The following IPCEF1 variants were observed in gnomAD, a reference collection of about 807,000 sequenced individuals.
The protein encoded by IPCEF1 is interactor protein for cytohesin exchange factors 1.
IPCEF1 carries 31 observed loss-of-function variants against 50.9 expected under a neutral mutation model. That is an observed-to-expected ratio of 0.61 (90% CI 0.46 to 0.82). IPCEF1 has a LOEUF of 0.82. IPCEF1 is among the 40% of genes least tolerant of loss of function. IPCEF1 has a pLI of 0.00. For missense variants in IPCEF1, 458 were observed against 514.0 expected (o/e 0.89, Z 1.05); for synonymous variants, 181 against 192.0 (o/e 0.94, Z 0.47).
At chr6:154,309,962 C>T (rs1056959892) in intron 1 of IPCEF1, among the ~76,000 whole-genome samples, 2 of 152,090 alleles carry the variant, frequency 1.3e-5, no homozygotes, top group East Asian at 1.9e-4. Context: ...CAGGGTTTCA[C>T]CATGTTGGCC....
At chr6:154,239,818 C>A (rs1780436786) in intron 5 of IPCEF1, among the ~76,000 whole-genome samples, 1 of 152,200 alleles carries the variant, frequency 6.6e-6, no homozygotes, top group South Asian at 2.1e-4. Flanking sequence ...ATTCTCTTGC[C>A]TCAGTCTCCC....
chr6:154,275,002 T>C (rs1022363472), intron 2 of IPCEF1, among the ~76,000 whole-genome samples: 10 of 152,198 alleles, frequency 6.6e-5, no homozygotes, highest in Admixed American at 5.2e-4. Flanking sequence ...CAATTATTTA[T>C]ATAGGCAGGG....
intron 1 of IPCEF1, among the ~76,000 whole-genome samples, chr6:154,351,137 A>C (rs929093879): frequency 4.6e-5 from 7 of 152,238 alleles, no homozygotes; most frequent in Non-Finnish European, 1.0e-4. Flanking sequence ...CAAGTCTCCT[A>C]GCCTTTTGAT....
At chr6:154,235,486 G>A (rs191600277) in intron 5 of IPCEF1, among the ~76,000 whole-genome samples, 14 of 137,576 alleles carry the variant, frequency 1.0e-4, no homozygotes, top group Admixed American at 8.2e-4. Context: ...AGCCGAGATC[G>A]CACCATTGCA....
intron 10 of IPCEF1, among the ~76,000 whole-genome samples, chr6:154,198,402 C>A (rs1168119159): frequency 1.3e-5 from 2 of 152,162 alleles, no homozygotes; most frequent in Non-Finnish European, 2.9e-5. Context: ...GCTACTCATT[C>A]ACCTCTAGAA....
intron 1 of IPCEF1, among the ~76,000 whole-genome samples, chr6:154,324,498 T>G (rs116908652): frequency 6.6e-6 from 1 of 152,110 alleles, no homozygotes; most frequent in Non-Finnish European, 1.5e-5. Context: ...TTTTTGGATC[T>G]GAGAAGGCTT....
At chr6:154,334,397 C>T (rs1783744842) in intron 1 of IPCEF1, among the ~76,000 whole-genome samples, 1 of 152,112 alleles carries the variant, frequency 6.6e-6, no homozygotes. Flanking sequence ...TACATGAAGT[C>T]AAAATTTCTT....
At chr6:154,250,252 TAA>T (rs75500632) in intron 3 of IPCEF1, among the ~76,000 whole-genome samples, 75 of 125,184 alleles carry the variant, frequency 6.0e-4, no homozygotes, top group Admixed American at 1.1e-3. Context: ...GCTAGGTAAG[TAA>T]AAAAAAAAAA....
chr6:154,236,723 T>C (rs1780164899), intron 5 of IPCEF1, among the ~76,000 whole-genome samples: 1 of 152,190 alleles, frequency 6.6e-6, no homozygotes. Context: ...CATCTATTCA[T>C]GCTTCTGTTG....
chr6:154,289,116 T>C (rs939746866), intron 2 of IPCEF1, among the ~76,000 whole-genome samples: 7 of 152,132 alleles, frequency 4.6e-5, no homozygotes, highest in Admixed American at 1.3e-4. Context: ...CTAAGACATA[T>C]AATTCTTTTA....
intron 11 of IPCEF1, 103 bp from the exon 12 acceptor site, chr6:154,160,143 T>C: frequency 1.2e-6 from 1 of 867,522 alleles, no homozygotes; most frequent in Non-Finnish European, 1.8e-6. Flanking sequence ...TACATAAAAT[T>C]ACCAAAGCAT....
In IPCEF1 at chr6:154,186,463, T is replaced by C. The variant is rs1801353563; in HGVS notation, c.910+13205A>G. Among the ~76,000 whole-genome samples, 4 of 152,338 alleles carry C rather than the reference T, an allele frequency of 2.6e-5. No homozygotes were observed. In the South Asian group the frequency reaches 8.3e-4, roughly 32 times the overall value. ...GCTAGCAAATCCCATCACCTCCACCTGAACACAGGCAGCAGCCACCTCGCC... is the reference window on the plus strand; with the variant it reads ...GCTAGCAAATCCCATCACCTCCACCCGAACACAGGCAGCAGCCACCTCGCC... On this transcript the variant is annotated intron_variant, in intron 10 of 11. Transcript: ENST00000367220.
chr6:154,198,263 TAAGCTCAATACTTTCACCAA>T (rs1415241343), intron 10 of IPCEF1, among the ~76,000 whole-genome samples: 1 of 152,162 alleles, frequency 6.6e-6, no homozygotes, highest in Non-Finnish European at 1.5e-5. Context: ...GAGATACAAT[TAAGCTCAATACTTTCACCAA>T]ACGACAGCAA....
intron 2 of IPCEF1, among the ~76,000 whole-genome samples, chr6:154,274,345 G>T (rs2128659915): frequency 6.6e-6 from 1 of 152,186 alleles, no homozygotes; most frequent in Non-Finnish European, 1.5e-5. Flanking sequence ...AGACTGGCAG[G>T]CCTCTTCCCT....
intron 3 of IPCEF1, among the ~76,000 whole-genome samples, chr6:154,261,370 A>G (rs1781596515): frequency 6.6e-6 from 1 of 152,156 alleles, no homozygotes; most frequent in African/African-American, 2.4e-5. Flanking sequence ...ACATTGAACC[A>G]ATGTAAGCAG....
At chr6:154,300,208 C>T (rs1782756945) in intron 1 of IPCEF1, among the ~76,000 whole-genome samples, 1 of 141,852 alleles carries the variant, frequency 7.0e-6, no homozygotes, top group Non-Finnish European at 1.6e-5. Flanking sequence ...TTAGGTTAAA[C>T]ATAGAGTATT....
chr6:154,194,922 G>C (rs1776462410), intron 10 of IPCEF1, among the ~76,000 whole-genome samples: 1 of 151,990 alleles, frequency 6.6e-6, no homozygotes, highest in Non-Finnish European at 1.5e-5. Flanking sequence ...CACAAAACAA[G>C]ATTACTAGGT....
At chr6:154,225,289 T>C (rs1779164216) in intron 5 of IPCEF1, among the ~76,000 whole-genome samples, 1 of 152,200 alleles carries the variant, frequency 6.6e-6, no homozygotes, top group Non-Finnish European at 1.5e-5. Flanking sequence ...CTCAAATACA[T>C]GTGCAGCCCT....
At chr6:154,233,173 T>G (rs1779858005) in intron 5 of IPCEF1, among the ~76,000 whole-genome samples, 1 of 152,168 alleles carries the variant, frequency 6.6e-6, no homozygotes, top group South Asian at 2.1e-4. Context: ...TTCGCCATAT[T>G]GGCCAGACTG....
Sources: allele counts gnomAD v4.1 joint callset (sites outside exome capture counted in the v4.1 genomes callset), GRCh38; gene constraint gnomAD v4.1.1; transcripts MANE v1.5; gene names NCBI Gene and HGNC (gene_info 2026-07-23, HGNC 2026-07-21).